Variants in GCFC2 observed in about 807,000 individuals in gnomAD.
The protein encoded by GCFC2 is intron Large complex component GCFC2.
Under a neutral mutation model 99.4 loss-of-function variants are expected in GCFC2, and 102 were observed. That is an observed-to-expected ratio of 1.03 (90% CI 0.87 to 1.21). The LOEUF (loss-of-function observed/expected upper bound fraction) is 1.21. Ranked by LOEUF, GCFC2 falls within the 50% of genes most tolerant of loss-of-function variation. GCFC2 has a pLI of 0.00. For missense variants in GCFC2, 973 were observed against 920.9 expected (o/e 1.06, Z -0.73); for synonymous variants, 338 against 316.8 (o/e 1.07, Z -0.71).
intron 15 of GCFC2, among the ~76,000 whole-genome samples, chr2:75,669,537 T>G (rs1348097572): frequency 6.6e-6 from 1 of 152,212 alleles, no homozygotes; most frequent in Non-Finnish European, 1.5e-5. Flanking sequence ...CATTTTTACA[T>G]TTTTTAAAAT....
chr2:75,689,822 T>C, intron 9 of GCFC2, 147 bp downstream of exon 9: 3 of 577,462 alleles, frequency 5.2e-6, no homozygotes, highest in Middle Eastern at 5.2e-4. Context: ...GAGAAAAGAG[T>C]CTTACAGAGG....
At chr2:75,703,675 G>A (rs1311496051) in intron 2 of GCFC2, among the ~76,000 whole-genome samples, 1 of 152,184 alleles carries the variant, frequency 6.6e-6, no homozygotes, top group Non-Finnish European at 1.5e-5. Flanking sequence ...CATCACAGCA[G>A]GTTATAGTAG....
At chr2:75,694,525 T>A (rs1274072811) in intron 5 of GCFC2, 98 bp from the exon 6 acceptor site, 1 of 463,254 alleles carries the variant, frequency 2.2e-6, no homozygotes, top group African/African-American at 2.0e-5. Context: ...AAACTGACAA[T>A]CATATAAATC....
intron 10 of GCFC2, 129 bp downstream of exon 10, chr2:75,688,897 C>T: frequency 5.1e-6 from 3 of 584,160 alleles, no homozygotes; most frequent in Non-Finnish European, 9.2e-6. Context: ...CATTTTCTGA[C>T]TATTGTTCCA....
intron 4 of GCFC2, among the ~76,000 whole-genome samples, chr2:75,700,395 T>C (rs1009760235): frequency 6.7e-6 from 1 of 149,688 alleles, no homozygotes. Flanking sequence ...AGAAATCACA[T>C]AATGAGATTT....
intron 4 of GCFC2, among the ~76,000 whole-genome samples, chr2:75,696,828 C>G (rs1208343583): frequency 2.6e-5 from 4 of 152,024 alleles, no homozygotes. Context: ...TTCTGTTGCC[C>G]AGGCTAGAGT....
chr2:75,682,077 A>G (rs1558737797), intron 11 of GCFC2, among the ~76,000 whole-genome samples: 2 of 151,934 alleles, frequency 1.3e-5, no homozygotes. Flanking sequence ...TTCTCTCAGC[A>G]CAGTGTTCGA....
At chr2:75,697,416 T>C (rs1222923177) in intron 4 of GCFC2, among the ~76,000 whole-genome samples, 1 of 152,232 alleles carries the variant, frequency 6.6e-6, no homozygotes, top group Non-Finnish European at 1.5e-5. Context: ...TTGCAGTCAA[T>C]AACCCATTCA....
chr2:75,683,022 A>G (rs1573059244), intron 11 of GCFC2, among the ~76,000 whole-genome samples: 1 of 151,904 alleles, frequency 6.6e-6, no homozygotes, highest in East Asian at 1.9e-4. Context: ...AACACTCTTC[A>G]GGACATTATC....
In GCFC2 at chr2:75,668,135, TAA is replaced by T. The variant is rs569036826; in HGVS notation, c.2103+2001_2103+2002del. Among the ~76,000 whole-genome samples the T allele has an allele frequency of 4.5e-4, 68 of 152,334 alleles. 1 individual carries two copies. The highest frequency in any genetic ancestry group is 3.1e-3 in the Admixed American group (48 of 15,298). On this transcript the variant is annotated intron_variant, in intron 15 of 16. Transcript: ENST00000321027. ...ACCCTGCCTGAGTTTTCCCAGATCC[TAA>T]AGTCTGATCAAATAATGAAAGCATT...
chr2:75,697,371 G>A (rs1013824183), intron 4 of GCFC2, among the ~76,000 whole-genome samples: 5 of 152,084 alleles, frequency 3.3e-5, no homozygotes, highest in Admixed American at 2.0e-4. Flanking sequence ...CCAGCTCTAC[G>A]CATATCTACA....
intron 11 of GCFC2, among the ~76,000 whole-genome samples, chr2:75,685,484 G>A (rs1430390220): frequency 3.3e-5 from 5 of 152,000 alleles, no homozygotes; most frequent in African/African-American, 7.2e-5. Context: ...TCCAACAGTT[G>A]ACCCTTCTTT....
rs76912909 is a variant in GCFC2 at position 75,665,539 on chromosome 2, C to T, written c.2228+390G>A. Reference sequence around the variant, plus strand: ...GCCCCCAAACAGCTGGTGCTGTGAACGAAACATTCAGAACAGAGAGCTAGC... The same window carrying T: ...GCCCCCAAACAGCTGGTGCTGTGAATGAAACATTCAGAACAGAGAGCTAGC... On this transcript the variant is annotated intron_variant, in intron 16 of 16. Transcript: ENST00000321027. 7.1e-3 allele frequency among the ~76,000 whole-genome samples: 1,079 copies of T among 151,972 alleles called. 8 individuals carry two copies. Among genetic ancestry groups the T allele is most frequent in the African/African-American group, 0.025 (1,019 of 41,326 alleles).
At chr2:75,699,966 T>C (rs1220789169) in intron 4 of GCFC2, among the ~76,000 whole-genome samples, 2 of 150,960 alleles carry the variant, frequency 1.3e-5, no homozygotes, top group Non-Finnish European at 2.9e-5. Flanking sequence ...AGTGGCGTGA[T>C]CTTGGCTCAC....
In GCFC2 at chr2:75,673,456, A is replaced by C; in HGVS notation, c.1877T>G (p.Leu626Arg). 7.3e-7 allele frequency: 1 copy of C among 1,375,508 alleles called. No homozygotes were observed. Among genetic ancestry groups the C allele is most frequent in the Non-Finnish European group, 1.0e-6 (1 of 962,692 alleles). The allele number at this position is 1,375,508 out of a possible 1,614,324, so 85.2% of individuals were successfully genotyped here. ...TAACAGCGCTTACCTCTTTGGATAC[A>C]GAGGAATAAAAACATCATCTTCTAC... ...KAVEDDVFIP[L>R]YPKSAVENKT... The change falls in exon 13 of 17, where the codon CTG becomes CGG. Residue 626 changes from leucine (L) to arginine (R), a missense_variant. Leu to Arg is a moderately radical substitution (Grantham distance 102). Coordinates refer to ENST00000321027, the MANE Select transcript of GCFC2 (RefSeq NM_003203.5).
At chr2:75,680,142 T>C in intron 12 of GCFC2, 51 bp downstream of exon 12, 2 of 1,328,718 alleles carry the variant, frequency 1.5e-6, no homozygotes, top group Non-Finnish European at 2.1e-6. Flanking sequence ...GTAAGAAAAT[T>C]ATAATGATTT....
At position 75,692,059 on chromosome 2, in the gene GCFC2, G is replaced by A. The variant is rs551082881; in HGVS notation, c.1062C>T (p.Leu354=). The A allele has an allele frequency of 7.1e-5, 110 of 1,543,752 alleles. 2 individuals carry two copies. The South Asian group carries it at 1.2e-3, about 17-fold the overall frequency. The change falls in exon 7 of 17, where the codon CTC becomes CTT. Residue 354 remains leucine (L), a synonymous_variant. Coordinates refer to ENST00000321027, the MANE Select transcript of GCFC2 (RefSeq NM_003203.5). The stretch of plus-strand genomic sequence containing the variant: ...TAAAGGTCATAGCTTGTTTTAAAAG[G>A]AGTGCATGCATGGATGATTCTATTT... ...IQEIESSMHA[L]LLKQAMTFMK... is the part of the protein sequence containing the mutation.
In GCFC2 at chr2:75,710,746, ACCGGAAGTTCCCTCGGCGCC is replaced by A; in HGVS notation, c.90_109del (p.Ala31ProfsTer57). The A allele has an allele frequency of 6.4e-7, 1 of 1,563,874 alleles. No homozygotes were observed. The highest frequency in any genetic ancestry group is 8.6e-7 in the Non-Finnish European group (1 of 1,159,150). ...CGGCTCTTCCTCCGCAGAACCCGGG[ACCGGAAGTTCCCTCGGCGCC>A]CCAGGCTCAGCAGGCGACTCCTCGG... On this transcript the variant is annotated frameshift_variant, in exon 1 of 17. Transcript: ENST00000321027. LOFTEE classifies it high-confidence loss of function.
chr2:75,690,874 T>A, intron 7 of GCFC2, 155 bp from the exon 8 acceptor site: 1 of 540,778 alleles, frequency 1.8e-6, no homozygotes, highest in Non-Finnish European at 3.2e-6. Context: ...CAATGACATT[T>A]CAATGTTAAC....
Sources: gnomAD v4.1 joint callset for allele counts (sites outside exome capture counted in the v4.1 genomes callset) on GRCh38, gnomAD v4.1.1 for gene constraint, MANE v1.5 for transcripts, NCBI Gene and HGNC (gene_info 2026-07-23, HGNC 2026-07-21) for gene names.